The following MIPOL1 variants were observed in gnomAD, a reference collection of about 807,000 sequenced individuals.
MIPOL1 encodes the protein mirror-image polydactyly 1.
A neutral mutation model predicts 60.9 loss-of-function variants in MIPOL1; 57 were observed. That is an observed-to-expected ratio of 0.94 (90% CI 0.76 to 1.17). MIPOL1 has a LOEUF of 1.17. MIPOL1 is among the 50% of genes most tolerant of loss of function. MIPOL1 has a pLI of 0.00. For missense variants in MIPOL1, 551 were observed against 511.6 expected (o/e 1.08, Z -0.74); for synonymous variants, 179 against 168.8 (o/e 1.06, Z -0.47).
At position 37,308,071 on chromosome 14, in the gene MIPOL1, C is replaced by A. The variant is rs1425674420; in HGVS notation, c.639C>A (p.Asn213Lys). 1.9e-6 allele frequency: 3 copies of A among 1,610,778 alleles called. No individual in the cohort carries two copies. The highest frequency in any genetic ancestry group is 2.5e-6 in the Non-Finnish European group (3 of 1,178,188). ...EMSLKVLENI[N>K]PEENDMTLQE... ...TTTTTTCTAGGCTAGAAAATATTAACCCTGAAGAAAATGACATGGTAAGCC... is the reference window on the plus strand; with the variant it reads ...TTTTTTCTAGGCTAGAAAATATTAAACCTGAAGAAAATGACATGGTAAGCC... Residue 213 changes from asparagine to lysine, a missense_variant, in exon 8 of 13, where the codon AAC becomes AAA. Asn to Lys is a moderately conservative substitution (Grantham distance 94). Coordinates refer to ENST00000684589, the MANE Select transcript of MIPOL1 (RefSeq NM_001388067.1).
At chr14:37,303,959 C>T (rs2086563730) in intron 7 of MIPOL1, among the ~76,000 whole-genome samples, 2 of 151,648 alleles carry the variant, frequency 1.3e-5, no homozygotes, top group East Asian at 3.9e-4. Context: ...AAAGCAACAG[C>T]AACAAAGAAT....
intron 9 of MIPOL1, among the ~76,000 whole-genome samples, chr14:37,332,763 C>T (rs2089818078): frequency 6.6e-6 from 1 of 152,130 alleles, no homozygotes; most frequent in African/African-American, 2.4e-5. Flanking sequence ...AATGTCATGA[C>T]TTTACTCTGC....
intron 6 of MIPOL1, chr14:37,277,554 A>G (rs1302419173): frequency 6.6e-6 from 1 of 151,258 alleles, no homozygotes; most frequent in African/African-American, 2.4e-5. Context: ...ATACATGTGT[A>G]TAGTAATCGA....
chr14:37,199,664 A>G (rs1178946919), intron 1 of MIPOL1, among the ~76,000 whole-genome samples: 5 of 152,144 alleles, frequency 3.3e-5, no homozygotes, highest in South Asian at 4.2e-4. Context: ...AGCTGGGACT[A>G]CAGGTGCCTA....
chr14:37,441,777 G>T (rs1046862663), intron 11 of MIPOL1, among the ~76,000 whole-genome samples: 7 of 151,980 alleles, frequency 4.6e-5, no homozygotes, highest in Non-Finnish European at 8.8e-5. Flanking sequence ...AAAATTTTAG[G>T]ATTGTTTTTC....
chr14:37,521,906 A>AT lies in MIPOL1; in HGVS notation c.1262+21769dup, dbSNP rs1294843079. Among the ~76,000 whole-genome samples, 24 of 15,850 alleles carry AT rather than the reference A, an allele frequency of 1.5e-3. 1 individual carries two copies. In the South Asian group the frequency reaches 0.016, roughly 10 times the overall value. 10.4% of individuals were successfully genotyped at this position (15,850 alleles called of 152,430 possible). On this transcript the variant is annotated intron_variant, in intron 12 of 12. Transcript: ENST00000684589. ...TAAAGAAAAAAAAATATATATATATATATATTTTTTTTTTCTTTGGCTTCA... is the reference window on the plus strand; with the variant it reads ...TAAAGAAAAAAAAATATATATATATATTATATTTTTTTTTTCTTTGGCTTCA...
At chr14:37,272,226 T>A (rs539625820) in intron 6 of MIPOL1, among the ~76,000 whole-genome samples, 9 of 151,740 alleles carry the variant, frequency 5.9e-5, no homozygotes, top group African/African-American at 2.2e-4. Flanking sequence ...AAGAGATATG[T>A]CCAACCATTT....
At chr14:37,440,916 A>C (rs1289811758) in intron 11 of MIPOL1, among the ~76,000 whole-genome samples, 1 of 152,126 alleles carries the variant, frequency 6.6e-6, no homozygotes, top group East Asian at 1.9e-4. Flanking sequence ...CCAATTCACC[A>C]ACATGTTATT....
chr14:37,302,328 T>G (rs916262531), intron 7 of MIPOL1, among the ~76,000 whole-genome samples: 2 of 149,756 alleles, frequency 1.3e-5, no homozygotes, highest in African/African-American at 4.9e-5. Context: ...AGTAGTATCT[T>G]AGTATTTTTA....
chr14:37,266,077 G>A (rs2082853687), intron 3 of MIPOL1, among the ~76,000 whole-genome samples: 1 of 152,062 alleles, frequency 6.6e-6, no homozygotes, highest in Non-Finnish European at 1.5e-5. Context: ...TAATTACTAA[G>A]ACCCAGGAGG....
intron 1 of MIPOL1, among the ~76,000 whole-genome samples, chr14:37,246,123 T>C (rs1182534989): frequency 6.6e-6 from 1 of 152,172 alleles, no homozygotes; most frequent in East Asian, 1.9e-4. Context: ...TTGAATATTT[T>C]GTTTTACATT....
chr14:37,481,727 C>CA (rs1160869430), intron 11 of MIPOL1, among the ~76,000 whole-genome samples: 2 of 151,792 alleles, frequency 1.3e-5, no homozygotes, highest in Non-Finnish European at 2.9e-5. Flanking sequence ...ATGATACTGC[C>CA]AAAAAATATA....
intron 1 of MIPOL1, among the ~76,000 whole-genome samples, chr14:37,213,370 G>T (rs1426444675): frequency 1.3e-5 from 2 of 152,134 alleles, no homozygotes; most frequent in African/African-American, 4.8e-5. Context: ...CAAAGATATG[G>T]AAATAATTAA....
intron 12 of MIPOL1, among the ~76,000 whole-genome samples, chr14:37,523,250 C>G (rs1388364745): frequency 6.6e-6 from 1 of 152,110 alleles, no homozygotes; most frequent in Non-Finnish European, 1.5e-5. Context: ...TATGATAAAA[C>G]TTAGCTTTGA....
chr14:37,209,090 T>C (rs1966544336), intron 1 of MIPOL1, among the ~76,000 whole-genome samples: 2 of 152,244 alleles, frequency 1.3e-5, no homozygotes, highest in African/African-American at 2.4e-5. Context: ...CACTAGATTT[T>C]CTGTAAATGT....
At chr14:37,434,244 A>G (rs973903444) in intron 11 of MIPOL1, among the ~76,000 whole-genome samples, 1 of 152,206 alleles carries the variant, frequency 6.6e-6, no homozygotes, top group Non-Finnish European at 1.5e-5. Flanking sequence ...GTGAGATGGT[A>G]TCTGACTGTG....
chr14:37,245,259 C>G (rs1171003655), intron 1 of MIPOL1, among the ~76,000 whole-genome samples: 1 of 152,090 alleles, frequency 6.6e-6, no homozygotes, highest in Non-Finnish European at 1.5e-5. Context: ...AAAAAAAATT[C>G]TCTATTAGAA....
intron 10 of MIPOL1, among the ~76,000 whole-genome samples, chr14:37,394,129 G>A (rs1299441823): frequency 4.6e-5 from 6 of 129,118 alleles, no homozygotes; most frequent in South Asian, 2.5e-4. Context: ...TTGTTTATCC[G>A]CTCATTGATT....
intron 11 of MIPOL1, among the ~76,000 whole-genome samples, chr14:37,458,977 A>G (rs1766408748): frequency 6.6e-6 from 1 of 152,120 alleles, no homozygotes; most frequent in Non-Finnish European, 1.5e-5. Flanking sequence ...ATGAAAATAG[A>G]GACACAACAT....
Sources: allele counts gnomAD v4.1 joint callset (sites outside exome capture counted in the v4.1 genomes callset), GRCh38; gene constraint gnomAD v4.1.1; transcripts MANE v1.5; gene names NCBI Gene and HGNC (gene_info 2026-07-23, HGNC 2026-07-21).